Variants in AVEN observed in about 807,000 individuals in gnomAD.
AVEN encodes cell death regulator Aven.
In AVEN, 41 loss-of-function variants were observed where a neutral mutation model predicts 38.1. That is an observed-to-expected ratio of 1.08 (90% confidence interval 0.84 to 1.40). AVEN has a LOEUF of 1.40. Among genes scored for constraint, AVEN ranks in the 40% most tolerant of loss-of-function variants. The pLI is 0.00. For missense variants in AVEN, 605 were observed against 438.8 expected (o/e 1.38, Z -3.38); for synonymous variants, 206 against 171.8 (o/e 1.20, Z -1.56).
chr15:33,890,640 G>C (rs1053949740), intron 2 of AVEN, among the ~76,000 whole-genome samples: 1 of 151,830 alleles, frequency 6.6e-6, no homozygotes, highest in Non-Finnish European at 1.5e-5. Context: ...AAGTGGGAAG[G>C]AGAAAAAAAT....
Position 33,867,492 on chromosome 15 carries a change from T to G in AVEN, c.973+3A>C, listed in dbSNP as rs775431878. On this transcript the variant is annotated splice_donor_region_variant and intron_variant, in intron 5 of 5. Transcript: ENST00000306730. Reference sequence around the variant, plus strand: ...TTCACGGGGAATAAAATGAAAGCCATACCTTCTTCCTCTTGGACCACCTCC... The same window carrying G: ...TTCACGGGGAATAAAATGAAAGCCAGACCTTCTTCCTCTTGGACCACCTCC... 5 of 1,560,404 alleles carry G rather than the reference T, an allele frequency of 3.2e-6. No individual in the cohort carries two copies. In the South Asian group the frequency reaches 6.3e-5, roughly 20 times the overall value.
intron 3 of AVEN, among the ~76,000 whole-genome samples, chr15:33,872,699 G>C (rs777502776): frequency 1.3e-5 from 2 of 152,148 alleles, no homozygotes; most frequent in Non-Finnish European, 2.9e-5. Context: ...AAGTCACCAT[G>C]TCAACAGAAA....
intron 5 of AVEN, among the ~76,000 whole-genome samples, chr15:33,867,167 A>G (rs544440881): frequency 6.6e-6 from 1 of 152,372 alleles, no homozygotes; most frequent in South Asian, 2.1e-4. Flanking sequence ...GTGGCCTGTC[A>G]GTCGATTAAA....
chr15:34,070,916 T>G (rs1447943397), intron 1 of AVEN, among the ~76,000 whole-genome samples: 1 of 152,192 alleles, frequency 6.6e-6, no homozygotes. Context: ...TTCTCTGTGA[T>G]CTGTGATTAG....
chr15:33,927,143 T>A (rs1893641659), intron 2 of AVEN, among the ~76,000 whole-genome samples: 1 of 151,748 alleles, frequency 6.6e-6, no homozygotes, highest in Non-Finnish European at 1.5e-5. Context: ...TAGTCCCAGC[T>A]ACTGGGGAGG....
chr15:34,050,924 C>T (rs926520514), intron 5 of AVEN, among the ~76,000 whole-genome samples: 1 of 152,132 alleles, frequency 6.6e-6, no homozygotes, highest in East Asian at 1.9e-4. Flanking sequence ...ACCCCACCGA[C>T]TATATTAGAC....
At chr15:34,000,812 T>C (rs1297597309) in intron 2 of AVEN, among the ~76,000 whole-genome samples, 3 of 151,824 alleles carry the variant, frequency 2.0e-5, no homozygotes, top group Admixed American at 2.0e-4. Context: ...TAAGCACATA[T>C]CAAAAGACAA....
downstream of AVEN, chr15:33,858,040 C>T (rs2079887115): frequency 8.0e-7 from 1 of 1,243,754 alleles, no homozygotes; most frequent in Non-Finnish European, 1.1e-6. Flanking sequence ...CAGAGCACAG[C>T]AGAGATTAAA....
At chr15:33,861,040 T>A (rs1412394048) in intron 11 of AVEN, 1 of 1,420,454 alleles carries the variant, frequency 7.0e-7, no homozygotes, top group East Asian at 2.4e-5. Context: ...GCCTATATTA[T>A]GCCAACAAAT....
At chr15:33,860,728 C>G in intron 11 of AVEN, 1 of 1,217,090 alleles carries the variant, frequency 8.2e-7, no homozygotes, top group Non-Finnish European at 1.2e-6. Context: ...ATTTTTTAAA[C>G]AATAGGTTTT....
intron 2 of AVEN, among the ~76,000 whole-genome samples, chr15:33,946,575 G>A (rs1894515604): frequency 1.3e-5 from 2 of 152,174 alleles, no homozygotes; most frequent in South Asian, 2.1e-4. Flanking sequence ...GAGGATCTGT[G>A]TTAGCTCAGA....
At chr15:33,997,884 C>A (rs1178800606) in intron 2 of AVEN, among the ~76,000 whole-genome samples, 1 of 152,184 alleles carries the variant, frequency 6.6e-6, no homozygotes, top group Non-Finnish European at 1.5e-5. Context: ...TACCTGTTCT[C>A]ACCTTAAATT....
intron 2 of AVEN, among the ~76,000 whole-genome samples, chr15:33,916,437 G>A (rs1241743860): frequency 6.6e-6 from 1 of 152,084 alleles, no homozygotes; most frequent in Non-Finnish European, 1.5e-5. Context: ...CGCAATCTAT[G>A]CATCTGACAA....
intron 3 of AVEN, among the ~76,000 whole-genome samples, chr15:33,871,951 C>G (rs1221285671): frequency 1.3e-5 from 2 of 152,176 alleles, no homozygotes; most frequent in African/African-American, 4.8e-5. Context: ...AATAAATCAG[C>G]ATTTTGTACA....
chr15:33,956,468 C>T (rs1377438393), intron 2 of AVEN, among the ~76,000 whole-genome samples: 1 of 152,152 alleles, frequency 6.6e-6, no homozygotes, highest in African/African-American at 2.4e-5. Context: ...GTTTAAGAGC[C>T]ATTTGCATTT....
Position 33,888,329 on chromosome 15 carries a change from G to T in AVEN, c.446-12334C>A, listed in dbSNP as rs73375717. ...TGTGTGTGTGTGTGGCAGGGGGAAG[G>T]GGGGCATAGTGAATCCAGGTTGGGG... On this transcript the variant is annotated intron_variant, in intron 2 of 5. Coordinates refer to ENST00000306730, the MANE Select transcript of AVEN (RefSeq NM_020371.3). Among the ~76,000 whole-genome samples, 16 of 151,940 alleles carry T rather than the reference G, an allele frequency of 1.1e-4. No individual in the cohort carries two copies. In the East Asian group the frequency reaches 3.1e-3, roughly 30 times the overall value.
chr15:34,046,445 T>G (rs1899686509), intron 5 of AVEN: 1 of 151,946 alleles, frequency 6.6e-6, no homozygotes. Context: ...CAAGTGATTT[T>G]GGAAGGCAGA....
intron 2 of AVEN, among the ~76,000 whole-genome samples, chr15:33,995,059 C>G (rs1896877757): frequency 6.6e-6 from 1 of 152,160 alleles, no homozygotes; most frequent in Non-Finnish European, 1.5e-5. Context: ...ACCAGGAATT[C>G]AAGACCAGCC....
At chr15:34,046,180 A>C (rs1899673770) in intron 5 of AVEN, among the ~76,000 whole-genome samples, 9 of 152,200 alleles carry the variant, frequency 5.9e-5, no homozygotes, top group Admixed American at 5.9e-4. Context: ...TATTGTGGAA[A>C]ACATTCAGGC....
Sources: allele counts gnomAD v4.1 joint callset (sites outside exome capture counted in the v4.1 genomes callset), GRCh38; gene constraint gnomAD v4.1.1; transcripts MANE v1.5; gene names NCBI Gene and HGNC (gene_info 2026-07-23, HGNC 2026-07-21).